The following OR51B5 variants were observed in gnomAD, a reference collection of about 807,000 sequenced individuals.
OR51B5 encodes the protein olfactory receptor family 51 subfamily B member 5, also known as olfactory receptor 51B5.
For synonymous variants in OR51B5, 186 were observed against 144.8 expected (o/e 1.28, Z -2.04); for missense variants, 456 against 374.6 (o/e 1.22, Z -1.79).
chr11:5,469,979 C>T (rs531228773), intron 1 of OR51B5, among the ~76,000 whole-genome samples: 8 of 152,302 alleles, frequency 5.3e-5, no homozygotes, highest in Admixed American at 3.3e-4. Flanking sequence ...CTCACTTATT[C>T]ACCAAGGGTC....
At chr11:5,362,021 A>C (rs906450914) in intron 1 of OR51B5, among the ~76,000 whole-genome samples, 4 of 152,242 alleles carry the variant, frequency 2.6e-5, no homozygotes, top group Non-Finnish European at 2.9e-5. Flanking sequence ...GATTGAGTAA[A>C]GCAAACTTTG....
chr11:5,347,169 C>A (rs1463086710), upstream of OR51B5, among the ~76,000 whole-genome samples: 1 of 152,144 alleles, frequency 6.6e-6, no homozygotes, highest in Non-Finnish European at 1.5e-5. Flanking sequence ...CCCCAGCAGA[C>A]TCTGGTATCA....
chr11:5,403,586 G>A, intron 1 of OR51B5: 1 of 450,260 alleles, frequency 2.2e-6, no homozygotes, highest in African/African-American at 2.0e-5. Context: ...TTGTTTGTTT[G>A]CTTGCTCTCT....
intron 1 of OR51B5, among the ~76,000 whole-genome samples, chr11:5,443,846 T>C (rs1850727450): frequency 6.6e-6 from 1 of 151,658 alleles, no homozygotes; most frequent in South Asian, 2.1e-4. Context: ...ACACAAGCAA[T>C]GCACAGAATA....
upstream of OR51B5, among the ~76,000 whole-genome samples, chr11:5,348,326 C>A (rs1047254166): frequency 1.3e-5 from 2 of 148,158 alleles, no homozygotes; most frequent in Non-Finnish European, 3.1e-5. Flanking sequence ...CTGACTGATT[C>A]TTTAATCTCT....
intron 1 of OR51B5, chr11:5,468,710 A>G: frequency 2.2e-6 from 1 of 456,590 alleles, no homozygotes; most frequent in South Asian, 1.5e-5. Flanking sequence ...GAGTGTCTTA[A>G]GCCTCTCACC....
At chr11:5,417,617 A>G (rs886444855) in intron 1 of OR51B5, among the ~76,000 whole-genome samples, 2 of 151,800 alleles carry the variant, frequency 1.3e-5, no homozygotes, top group Non-Finnish European at 2.9e-5. Context: ...GGCGAAGGAC[A>G]TGAACAGACA....
At chr11:5,482,559 G>C (rs1479421395) in intron 1 of OR51B5, among the ~76,000 whole-genome samples, 169 of 117,412 alleles carry the variant, frequency 1.4e-3, no homozygotes, top group South Asian at 3.0e-3. Flanking sequence ...TACCATCAGA[G>C]TGAACAGACA....
chr11:5,374,236 C>G (rs548386841), intron 1 of OR51B5, among the ~76,000 whole-genome samples: 1 of 152,140 alleles, frequency 6.6e-6, no homozygotes, highest in East Asian at 1.9e-4. Flanking sequence ...TGGAGTGGAC[C>G]TCTAGCAAAC....
chr11:5,374,504 G>A lies in OR51B5; in HGVS notation n.85-27594C>T, dbSNP rs149449842. On this transcript the variant is annotated intron_variant and non_coding_transcript_variant, in intron 1 of 4. Transcript: ENST00000415970. ...GGAGAATGACTTTGACGAGCTGAGA[G>A]AAGAAGACTTCAGACGATGAAACTA... Among the ~76,000 whole-genome samples, 307 of 152,272 alleles carry A rather than the reference G, an allele frequency of 2.0e-3. 10 individuals are homozygous for A. The East Asian group carries it at 0.052, about 26-fold the overall frequency.
chr11:5,458,624 G>C (rs527644822), intron 1 of OR51B5, among the ~76,000 whole-genome samples: 35 of 152,224 alleles, frequency 2.3e-4, no homozygotes, highest in Middle Eastern at 6.8e-3. Flanking sequence ...TGTCCTCTCT[G>C]ATTTCTTTCA....
intron 1 of OR51B5, among the ~76,000 whole-genome samples, chr11:5,361,676 T>C (rs1849287325): frequency 6.6e-6 from 1 of 152,220 alleles, no homozygotes; most frequent in Admixed American, 6.5e-5. Flanking sequence ...AGAACTTGGC[T>C]TCTGAATAAT....
intron 1 of OR51B5, among the ~76,000 whole-genome samples, chr11:5,433,127 A>T (rs1171300111): frequency 2.0e-5 from 3 of 152,206 alleles, no homozygotes; most frequent in Admixed American, 1.3e-4. Context: ...AAACAAACAG[A>T]GTTTAGGAAA....
chr11:5,403,189 A>G lies in OR51B5; in HGVS notation n.85-56279T>C, dbSNP rs142387971. ...TCTTGTGGGAACATTTCTGTTAACA[A>G]TATCTATGGGATTTTCATTGTTACC... is the stretch of plus-strand genomic sequence containing the variant. On this transcript the variant is annotated intron_variant and non_coding_transcript_variant, in intron 1 of 4. Coordinates refer to the OR51B5 transcript ENST00000415970. 2.2e-4 allele frequency: 104 copies of G among 471,300 alleles called. No homozygotes were observed. In the East Asian group the frequency reaches 6.1e-3, roughly 28 times the overall value. The allele number at this position is 471,300 out of a possible 1,614,324, so 29.2% of individuals were successfully genotyped here.
chr11:5,389,895 T>C, intron 1 of OR51B5: 2 of 1,612,574 alleles, frequency 1.2e-6, no homozygotes. Context: ...CGGGGACCTG[T>C]GGCCACTATC....
At chr11:5,356,251 C>T (rs1408738791) in intron 1 of OR51B5, among the ~76,000 whole-genome samples, 2 of 151,932 alleles carry the variant, frequency 1.3e-5, no homozygotes, top group African/African-American at 4.8e-5. Flanking sequence ...TAATGGCTAA[C>T]TAGAATAACC....
At chr11:5,375,628 A>T (rs1849514528) in intron 1 of OR51B5, among the ~76,000 whole-genome samples, 1 of 152,170 alleles carries the variant, frequency 6.6e-6, no homozygotes, top group African/African-American at 2.4e-5. Flanking sequence ...CTACCAAGCA[A>T]ATGGAAAACA....
chr11:5,441,467 C>A (rs1299014105), intron 1 of OR51B5: 2 of 1,613,478 alleles, frequency 1.2e-6, no homozygotes, highest in South Asian at 2.2e-5. Context: ...GAATGCCTGT[C>A]AGCTGGAGTG....
At chr11:5,432,110 T>G (rs1407997936) in intron 1 of OR51B5, among the ~76,000 whole-genome samples, 1 of 152,216 alleles carries the variant, frequency 6.6e-6, no homozygotes, top group African/African-American at 2.4e-5. Context: ...TATCAAACAT[T>G]AGAACTAATT....
Sources: allele counts gnomAD v4.1 joint callset (sites outside exome capture counted in the v4.1 genomes callset), GRCh38; gene constraint gnomAD v4.1.1; transcripts MANE v1.5; gene names NCBI Gene and HGNC (gene_info 2026-07-23, HGNC 2026-07-21).